Variants in RABEP2 observed in about 807,000 individuals in gnomAD.
The protein encoded by RABEP2 is rabaptin, RAB GTPase binding effector protein 2, also known as rab GTPase-binding effector protein 2.
Under a neutral mutation model 74.1 loss-of-function variants are expected in RABEP2, and 57 were observed. That is an observed-to-expected ratio of 0.77 (90% CI 0.62 to 0.96). The LOEUF is 0.96. RABEP2 is among the 40% of genes least tolerant of loss of function. RABEP2 has a pLI of 0.00. For synonymous variants in RABEP2, 351 were observed against 344.0 expected (o/e 1.02, Z -0.23); for missense variants, 692 against 756.3 (o/e 0.91, Z 1.00).
At chr16:28,905,299 G>A (rs1964208007) in intron 12 of RABEP2, 98 bp downstream of exon 12, 15 of 883,818 alleles carry the variant, frequency 1.7e-5, no homozygotes, top group Non-Finnish European at 2.3e-5. Flanking sequence ...CCAGGAGGAA[G>A]AAAGGACTCC....
In RABEP2 at chr16:28,914,342, G is replaced by A. The variant is rs771704179; in HGVS notation, c.788C>T (p.Thr263Met). The stretch of plus-strand genomic sequence containing the variant: ...GGTGCCCGTAGACACCAGCGAGGCC[G>A]TCTCTTCCTGTTCAGGGCTCAGGCC... Reference protein sequence around the residue: ...RQGLSPEQEETASLVSTGTLV... With the variant: ...RQGLSPEQEEMASLVSTGTLV... Residue 263 changes from threonine to methionine, a missense_variant, in exon 5 of 13, where the codon ACG (threonine) becomes ATG (methionine). By Grantham distance (81) the Thr-to-Met change is moderately conservative. Transcript: ENST00000358201. 2.0e-5 allele frequency: 32 copies of A among 1,613,292 alleles called. No homozygotes were observed. In the East Asian group the frequency reaches 2.7e-4, roughly 13 times the overall value.
At chr16:28,918,431 G>A (rs1167795192) in intron 3 of RABEP2, among the ~76,000 whole-genome samples, 4 of 152,080 alleles carry the variant, frequency 2.6e-5, no homozygotes, top group East Asian at 1.9e-4. Flanking sequence ...TGGCCAACAC[G>A]GTGAAACCCC....
intron 8 of RABEP2, among the ~76,000 whole-genome samples, chr16:28,908,099 C>T (rs1321239996): frequency 6.6e-6 from 1 of 152,082 alleles, no homozygotes; most frequent in African/African-American, 2.4e-5. Flanking sequence ...CGCGCCTAGC[C>T]CTGACTAATT....
intron 2 of RABEP2, 45 bp downstream of exon 2, chr16:28,924,358 C>A: frequency 6.4e-7 from 1 of 1,568,422 alleles, no homozygotes; most frequent in South Asian, 1.1e-5. Flanking sequence ...CATGCACTCC[C>A]CAGTATGGGG....
At chr16:28,905,332 C>G in intron 12 of RABEP2, 65 bp downstream of exon 12, 1 of 1,208,192 alleles carries the variant, frequency 8.3e-7, no homozygotes, top group Non-Finnish European at 1.2e-6. Context: ...ACTGTCCTTG[C>G]AAGACCCAGG....
At position 28,914,801 on chromosome 16, in the gene RABEP2, G is replaced by A; in HGVS notation, c.433-19C>T. 1.2e-6 allele frequency: 2 copies of A among 1,608,372 alleles called. No homozygotes were observed. The highest frequency in any genetic ancestry group is 3.3e-5 in the Admixed American group (2 of 59,742). On this transcript the variant is annotated intron_variant, in intron 3 of 12. Transcript: ENST00000358201. ...CGTGGGCCTGGAGGGAGCGGGGTGT[G>A]GCAGCAATAGTTCCCCCTCCAAAGT...
intron 3 of RABEP2, among the ~76,000 whole-genome samples, chr16:28,917,179 T>C (rs1964406919): frequency 6.6e-6 from 1 of 152,066 alleles, no homozygotes; most frequent in East Asian, 1.9e-4. Flanking sequence ...AGCCTCTACC[T>C]ATCTCCGCTT....
intron 12 of RABEP2, 46 bp downstream of exon 12, chr16:28,905,351 C>A: frequency 7.0e-7 from 1 of 1,426,114 alleles, no homozygotes; most frequent in East Asian, 2.3e-5. Context: ...GGAGAGGTCA[C>A]CCGGAGTGGA....
At chr16:28,906,505 C>T (rs1371540680) in intron 8 of RABEP2, among the ~76,000 whole-genome samples, 1 of 152,158 alleles carries the variant, frequency 6.6e-6, no homozygotes, top group African/African-American at 2.4e-5. Flanking sequence ...TGGCTCACAC[C>T]TGCAATCTCA....
intron 2 of RABEP2, among the ~76,000 whole-genome samples, chr16:28,922,564 TA>T (rs903726292): frequency 1.5e-4 from 22 of 147,488 alleles, no homozygotes; most frequent in Non-Finnish European, 1.8e-4. Context: ...TACTAAAAAT[TA>T]AAAAAAAAAA....
chr16:28,904,826 T>C lies in RABEP2; in HGVS notation c.*117A>G. On this transcript the variant is annotated 3_prime_UTR_variant, in exon 13 of 13. Coordinates refer to ENST00000358201, the MANE Select transcript of RABEP2 (RefSeq NM_024816.3). ...GCGGTGGTGGCCCCCGTCAGTCCCC[T>C]CAACCCCAGTCTCAGGGACGGTGGA... 1 of 820,178 alleles carries C rather than the reference T, an allele frequency of 1.2e-6. No homozygotes were observed. The highest frequency in any genetic ancestry group is 1.9e-6 in the Non-Finnish European group (1 of 526,724). The allele number at this position is 820,178 out of a possible 1,614,324, so 50.8% of individuals were successfully genotyped here.
intron 5 of RABEP2, among the ~76,000 whole-genome samples, chr16:28,913,628 T>C (rs1964343361): frequency 1.3e-5 from 2 of 152,002 alleles, no homozygotes; most frequent in African/African-American, 4.8e-5. Flanking sequence ...ATTACGGGCA[T>C]GCGCCACCAC....
chr16:28,908,655 G>A lies in RABEP2; in HGVS notation c.1199C>T (p.Ser400Leu), dbSNP rs1177272717. Residue 400 changes from serine to leucine, a missense_variant, in exon 8 of 13, where the codon TCG becomes TTG. Transcript: ENST00000358201. ...EQLPSSAPQG[S>L]QQEQGEEESL... The stretch of plus-strand genomic sequence containing the variant: ...TTCCTCCTCGCCCTGCTCCTGCTGC[G>A]AGCCCTGGGGGGCTGAGGATGGCAG... 61 of 1,614,016 alleles carry A rather than the reference G, an allele frequency of 3.8e-5. No individual in the cohort carries two copies. The highest frequency in any genetic ancestry group is 6.6e-5 in the South Asian group (6 of 91,086).
At chr16:28,913,218 C>A (rs893171796) in intron 5 of RABEP2, among the ~76,000 whole-genome samples, 1 of 152,042 alleles carries the variant, frequency 6.6e-6, no homozygotes, top group African/African-American at 2.4e-5. Context: ...GCATGAGCCA[C>A]CGCGCCCGGC....
At chr16:28,906,407 T>G (rs932508730) in intron 8 of RABEP2, among the ~76,000 whole-genome samples, 1 of 152,174 alleles carries the variant, frequency 6.6e-6, no homozygotes, top group Non-Finnish European at 1.5e-5. Flanking sequence ...CACACGACCA[T>G]GCCCCACACC....
intron 5 of RABEP2, 44 bp from the exon 6 acceptor site, chr16:28,911,223 G>GC: frequency 3.2e-6 from 5 of 1,579,242 alleles, no homozygotes; most frequent in Middle Eastern, 2.0e-4. Flanking sequence ...CAGGAACTTG[G>GC]CCCCCCTCAC....
At chr16:28,913,085 C>T (rs939652686) in intron 5 of RABEP2, among the ~76,000 whole-genome samples, 1 of 152,138 alleles carries the variant, frequency 6.6e-6, no homozygotes, top group African/African-American at 2.4e-5. Context: ...GCCTCAGCCT[C>T]CCAAGTAGCT....
chr16:28,906,167 C>G lies in RABEP2; in HGVS notation c.1275G>C (p.Arg425=). 6.3e-7 allele frequency: 1 copy of G among 1,590,146 alleles called. No individual in the cohort carries two copies. Among genetic ancestry groups the G allele is most frequent in the Non-Finnish European group, 8.5e-7 (1 of 1,173,772 alleles). The change falls in exon 9 of 13, where the codon CGG becomes CGC. Residue 425 remains arginine (R), a synonymous_variant. Coordinates refer to ENST00000358201, the MANE Select transcript of RABEP2 (RefSeq NM_024816.3). ...CCTGCAGCCGGGCCCTCGCCTCTTG[C>G]CGCGTGCAGCACAGCAGCTGCTGCA... ...PELQQLLCCT[R]QEARARLQAQ...
At position 28,905,055 on chromosome 16, in the gene RABEP2, G is replaced by C. The variant is rs779974013; in HGVS notation, c.1609-11C>G. 2.5e-6 allele frequency: 4 copies of C among 1,593,244 alleles called. No individual in the cohort carries two copies. The African/African-American group carries it at 5.4e-5, about 21-fold the overall frequency. On this transcript the variant is annotated splice_polypyrimidine_tract_variant and intron_variant, in intron 12 of 12. Transcript: ENST00000358201. ...CCGCTCTAGGCGCACCTGCCGGATC[G>C]GACGAGGGGAGCAGAGTGCACTTGT...
Sources: allele counts gnomAD v4.1 joint callset (sites outside exome capture counted in the v4.1 genomes callset), GRCh38; gene constraint gnomAD v4.1.1; transcripts MANE v1.5; gene names NCBI Gene and HGNC (gene_info 2026-07-23, HGNC 2026-07-21).